The following LDLRAD4 variants were observed in gnomAD, a reference collection of about 807,000 sequenced individuals.
LDLRAD4 encodes low density lipoprotein receptor class A domain containing 4, also known as low-density lipoprotein receptor class A domain-containing protein 4.
LDLRAD4 carries 5 observed loss-of-function variants against 17.0 expected under a neutral mutation model. The ratio of observed to expected loss-of-function variants is 0.29; its 90% CI spans 0.15 to 0.62. LDLRAD4 has a LOEUF of 0.62. LDLRAD4 is among the 20% of genes least tolerant of loss of function. LDLRAD4 has a pLI of 0.84. For missense variants in LDLRAD4, 340 were observed against 424.7 expected, an observed-to-expected ratio of 0.80 and a Z score of 1.75; for synonymous variants, 168 against 171.8, an observed-to-expected ratio of 0.98 and a Z score of 0.17.
At position 13,244,967 on chromosome 18, in the gene LDLRAD4, CTG is replaced by C. The variant is rs1215862463; in HGVS notation, c.-467+25982_-467+25983del. On this transcript the variant is annotated intron_variant, in intron 1 of 5. Coordinates refer to the LDLRAD4 transcript ENST00000399848. ...AAGAGCGCAGAATCATCTGGTCCGT[CTG>C]TGGCCCCTGCAATTCCGTGAGGCAC... is the stretch of plus-strand genomic sequence containing the variant. 3.3e-5 allele frequency among the ~76,000 whole-genome samples: 5 copies of C among 152,372 alleles called. No individual in the cohort carries two copies. The East Asian group carries it at 9.6e-4, about 29-fold the overall frequency.
intron 4 of LDLRAD4, among the ~76,000 whole-genome samples, chr18:13,630,371 G>C (rs534153775): frequency 6.6e-6 from 1 of 152,074 alleles, no homozygotes; most frequent in Non-Finnish European, 1.5e-5. Context: ...TGGAAAGGAC[G>C]GTAGTGATAA....
At chr18:13,219,427 T>C (rs766619310) in intron 1 of LDLRAD4, among the ~76,000 whole-genome samples, 9 of 152,210 alleles carry the variant, frequency 5.9e-5, no homozygotes, top group South Asian at 2.1e-4. Flanking sequence ...TATTCCCTTC[T>C]CTTTTTCTCT....
intron 1 of LDLRAD4, among the ~76,000 whole-genome samples, chr18:13,316,943 A>T (rs2080965811): frequency 6.6e-6 from 1 of 152,246 alleles, no homozygotes; most frequent in African/African-American, 2.4e-5. Context: ...TCATAATTAC[A>T]TAAAATGCAA....
At chr18:13,579,957 C>T (rs1353259454) in intron 3 of LDLRAD4, among the ~76,000 whole-genome samples, 1 of 152,198 alleles carries the variant, frequency 6.6e-6, no homozygotes. Flanking sequence ...GCCCCTGAGT[C>T]TCCCTTCTAG....
At chr18:13,551,342 T>C (rs1346156134) in intron 3 of LDLRAD4, among the ~76,000 whole-genome samples, 1 of 152,194 alleles carries the variant, frequency 6.6e-6, no homozygotes, top group Non-Finnish European at 1.5e-5. Context: ...TTGTGTGTCC[T>C]ACCGAGGATC....
intron 3 of LDLRAD4, among the ~76,000 whole-genome samples, chr18:13,462,763 A>T (rs2092475494): frequency 6.6e-6 from 1 of 152,152 alleles, no homozygotes; most frequent in South Asian, 2.1e-4. Flanking sequence ...GACAGCAAGG[A>T]TGTCTCCCAG....
chr18:13,584,049 G>A (rs775446322), intron 3 of LDLRAD4, among the ~76,000 whole-genome samples: 3 of 152,198 alleles, frequency 2.0e-5, no homozygotes, highest in Non-Finnish European at 4.4e-5. Flanking sequence ...TGAGAGTGCA[G>A]GTGAGCCCGG....
At chr18:13,483,673 T>G (rs2093151740) in intron 3 of LDLRAD4, among the ~76,000 whole-genome samples, 1 of 152,212 alleles carries the variant, frequency 6.6e-6, no homozygotes, top group Admixed American at 6.5e-5. Flanking sequence ...GCGTGTTGTA[T>G]CATTTAATCT....
chr18:13,585,077 C>A (rs1023915597), intron 3 of LDLRAD4, among the ~76,000 whole-genome samples: 1 of 152,242 alleles, frequency 6.6e-6, no homozygotes, highest in African/African-American at 2.4e-5. Context: ...TTTTCCCTGG[C>A]TGGAATAAGA....
chr18:13,426,336 C>A (rs1420166241), intron 2 of LDLRAD4, among the ~76,000 whole-genome samples: 1 of 152,188 alleles, frequency 6.6e-6, no homozygotes, highest in South Asian at 2.1e-4. Context: ...TAAAGAAGTT[C>A]TTTATGAAAG....
chr18:13,357,004 C>T (rs1238997799), intron 1 of LDLRAD4, among the ~76,000 whole-genome samples: 7 of 151,984 alleles, frequency 4.6e-5, no homozygotes, highest in South Asian at 2.1e-4. Context: ...TGTGGTGGTG[C>T]GCACCTGTAA....
chr18:13,622,081 C>A lies in LDLRAD4; in HGVS notation c.336+810C>A, dbSNP rs981703937. ...CGAGTCTCCACAGTGTGGAGCCCTG[C>A]GGTATGCTGAGCACAGGAGCCGGTC... On this transcript the variant is annotated intron_variant, in intron 4 of 5. Transcript: ENST00000359446. The surrounding 1 kb of genome is among the most constrained non-coding windows in gnomAD (Gnocchi z 5.3). Among the ~76,000 whole-genome samples the A allele has an allele frequency of 6.6e-6, 1 of 152,264 alleles. No homozygotes were observed. The highest frequency in any genetic ancestry group is 1.9e-4 in the East Asian group (1 of 5,180).
chr18:13,380,889 C>A (rs554805623), intron 1 of LDLRAD4, among the ~76,000 whole-genome samples: 51 of 152,230 alleles, frequency 3.4e-4, no homozygotes, highest in African/African-American at 1.1e-3. Flanking sequence ...GGTTGTGTTA[C>A]AAAAGCTACA....
upstream of LDLRAD4, chr18:13,217,975 G>C (rs990231891): frequency 1.5e-3 from 231 of 150,006 alleles, no homozygotes; most frequent in African/African-American, 5.3e-3. This position sits in a 1 kb window ranked among gnomAD's most constrained non-coding sequence, Gnocchi z 4.9. Context: ...GCTCCCCGCC[G>C]GCCCGCCGCG....
chr18:13,542,696 A>G (rs1385029251), intron 3 of LDLRAD4, among the ~76,000 whole-genome samples: 2 of 152,180 alleles, frequency 1.3e-5, no homozygotes, highest in African/African-American at 2.4e-5. Flanking sequence ...CCACACACTC[A>G]GAACACTTTC....
intron 3 of LDLRAD4, among the ~76,000 whole-genome samples, chr18:13,468,785 G>A (rs1315186582): frequency 1.4e-5 from 2 of 147,226 alleles, no homozygotes; most frequent in African/African-American, 2.5e-5. Context: ...TCACTCATAG[G>A]TGGGAATTGA....
In LDLRAD4 at chr18:13,341,497, G is replaced by A. The variant is rs193027681; in HGVS notation, c.-382-45844G>A. ...TATTATTTCTGACACTATTATAAAA[G>A]GAATTATTTTTAAATTTCCTTTTAG... is the stretch of plus-strand genomic sequence containing the variant. On this transcript the variant is annotated intron_variant, in intron 1 of 5. Transcript: ENST00000359446. Among the ~76,000 whole-genome samples the A allele has an allele frequency of 1.7e-3, 253 of 152,100 alleles. 2 individuals are homozygous for A. Among genetic ancestry groups the A allele is most frequent in the African/African-American group, 5.9e-3 (244 of 41,520 alleles).
chr18:13,409,460 TTAG>T lies in LDLRAD4; in HGVS notation c.40+21699_40+21701del, dbSNP rs1600054885. 2.0e-5 allele frequency among the ~76,000 whole-genome samples: 3 copies of T among 152,390 alleles called. No homozygotes were observed. In the East Asian group the frequency reaches 5.8e-4, roughly 29 times the overall value. On this transcript the variant is annotated intron_variant, in intron 2 of 5. Coordinates refer to ENST00000359446, the Ensembl canonical transcript of LDLRAD4. ...TAACCTTGTCTCTTATTTATTGCCA[TTAG>T]ACACAGGAAGACTTTAAGCTACTGA...
chr18:13,324,852 G>A (rs2081435709), intron 1 of LDLRAD4, among the ~76,000 whole-genome samples: 1 of 152,220 alleles, frequency 6.6e-6, no homozygotes. Context: ...AACAGCAGAG[G>A]TAGGTGGTGA....
Sources: allele counts gnomAD v4.1 joint callset (sites outside exome capture counted in the v4.1 genomes callset), GRCh38; gene constraint gnomAD v4.1.1; non-coding constraint Gnocchi (gnomAD v3.1); transcripts MANE v1.5; gene names NCBI Gene and HGNC (gene_info 2026-07-23, HGNC 2026-07-21).